Variants in KIRREL3 observed in about 807,000 individuals in gnomAD.
KIRREL3 encodes the protein kin of IRRE-like protein 3.
A neutral mutation model predicts 89.7 loss-of-function variants in KIRREL3; 36 were observed. That is an observed-to-expected ratio of 0.40 (90% confidence interval 0.31 to 0.53). The LOEUF (loss-of-function observed/expected upper bound fraction) is 0.53, where lower values mean the gene tolerates loss of function less well. KIRREL3 is among the 20% of genes least tolerant of loss of function. The probability of loss-of-function intolerance (pLI) is 0.49; values close to 1 mark genes in which losing one functional copy is unlikely to be tolerated. For synonymous variants in KIRREL3, 445 were observed against 441.4 expected, an observed-to-expected ratio of 1.01 and a Z score of -0.10; for missense variants, 864 against 1,056.6, an observed-to-expected ratio of 0.82 and a Z score of 2.53.
intron 1 of KIRREL3, among the ~76,000 whole-genome samples, chr11:126,599,155 C>T (rs1311268073): frequency 1.3e-5 from 2 of 152,134 alleles, no homozygotes; most frequent in African/African-American, 2.4e-5. Context: ...TTCAAAGAAC[C>T]CCACATTGGC....
intron 1 of KIRREL3, among the ~76,000 whole-genome samples, chr11:126,841,403 C>G (rs1358820933): frequency 1.3e-5 from 2 of 152,210 alleles, no homozygotes; most frequent in African/African-American, 4.8e-5. Flanking sequence ...CACATATCCC[C>G]AGCAGCCAGC....
chr11:126,716,534 C>G (rs1371894859), intron 1 of KIRREL3, among the ~76,000 whole-genome samples: 2 of 152,066 alleles, frequency 1.3e-5, no homozygotes, highest in African/African-American at 4.8e-5. Flanking sequence ...CAGGAAGGGA[C>G]TGACTTTTAT....
rs1034682039 is a variant in KIRREL3, at chr11:126,643,838, G to A, written c.56-80926C>T. Among the ~76,000 whole-genome samples, 3 of 152,150 alleles carry A rather than the reference G, an allele frequency of 2.0e-5. No homozygotes were observed. Among genetic ancestry groups the A allele is most frequent in the Non-Finnish European group, 4.4e-5 (3 of 68,028 alleles). On this transcript the variant is annotated intron_variant, in intron 1 of 16. Coordinates refer to ENST00000525144, the MANE Select transcript of KIRREL3 (RefSeq NM_032531.4). This position sits in a 1 kb window ranked among gnomAD's most constrained non-coding sequence, Gnocchi z 4.5. ...GTGACCAAAAAGATGAAGAGAATGAGGGGAGGAAGAGCAAAGCTGACCCTG... is the reference window on the plus strand; with the variant it reads ...GTGACCAAAAAGATGAAGAGAATGAAGGGAGGAAGAGCAAAGCTGACCCTG...
rs1252256818 is a variant in KIRREL3, at chr11:126,579,641, G to A, written c.56-16729C>T. ...CAAATGCACCACCTGTGGCCCTAGA[G>A]TGGGGAGCATTGAGGTTGGATGGCA... On this transcript the variant is annotated intron_variant, in intron 1 of 16. Coordinates refer to ENST00000525144, the MANE Select transcript of KIRREL3 (RefSeq NM_032531.4). The surrounding 1 kb of genome is among the most constrained non-coding windows in gnomAD (Gnocchi z 5.3). 1.3e-5 allele frequency among the ~76,000 whole-genome samples: 2 copies of A among 152,142 alleles called. No individual in the cohort carries two copies. The highest frequency in any genetic ancestry group is 2.9e-5 in the Non-Finnish European group (2 of 68,016).
At chr11:126,511,625 C>T (rs972576533) in intron 4 of KIRREL3, among the ~76,000 whole-genome samples, 1 of 152,170 alleles carries the variant, frequency 6.6e-6, no homozygotes, top group Admixed American at 6.5e-5. Flanking sequence ...TGGCCCCTGC[C>T]AATCTTCCAG....
Position 126,912,273 on chromosome 11 carries a change from C to G in KIRREL3, c.55+88182G>C, listed in dbSNP as rs548688421. On this transcript the variant is annotated intron_variant, in intron 1 of 16. Transcript: ENST00000525144. The surrounding 1 kb of genome is among the most constrained non-coding windows in gnomAD (Gnocchi z 4.7). ...CCCTTCACCTTCAAGCAGGCTAAAC[C>G]GGCCGAGAGTGGCTCTGAGGACCTG... Among the ~76,000 whole-genome samples, 1 of 152,114 alleles carries G rather than the reference C, an allele frequency of 6.6e-6. No homozygotes were observed. Among genetic ancestry groups the G allele is most frequent in the African/African-American group, 2.4e-5 (1 of 41,434 alleles).
chr11:126,483,076 T>C (rs1647171747), intron 4 of KIRREL3, among the ~76,000 whole-genome samples: 2 of 152,120 alleles, frequency 1.3e-5, no homozygotes, highest in South Asian at 4.2e-4. Flanking sequence ...TTGACCCATC[T>C]CCCCTGAAAC....
chr11:126,667,647 C>A (rs117893241), intron 1 of KIRREL3, among the ~76,000 whole-genome samples: 26 of 152,298 alleles, frequency 1.7e-4, no homozygotes, highest in Non-Finnish European at 3.1e-4. Flanking sequence ...ACACTCTCAA[C>A]TCATGTCGGC....
rs1340442008 is a variant in KIRREL3 at position 126,651,575 on chromosome 11, T to C, written c.56-88663A>G. 1.3e-5 allele frequency among the ~76,000 whole-genome samples: 2 copies of C among 152,228 alleles called. No individual in the cohort carries two copies. The highest frequency in any genetic ancestry group is 4.8e-5 in the African/African-American group (2 of 41,462). Reference sequence around the variant, plus strand: ...CTTTCAAATAAGTGGCAGCAGTTCATGCATAATTACTTCTGAATTATCTAG... The same window carrying C: ...CTTTCAAATAAGTGGCAGCAGTTCACGCATAATTACTTCTGAATTATCTAG... On this transcript the variant is annotated intron_variant, in intron 1 of 16. Coordinates refer to ENST00000525144, the MANE Select transcript of KIRREL3 (RefSeq NM_032531.4). This position sits in a 1 kb window ranked among gnomAD's most constrained non-coding sequence, Gnocchi z 4.6.
rs1938400244 is a variant in KIRREL3, at chr11:126,541,932, A to G, written c.134-15245T>C. 6.6e-6 allele frequency among the ~76,000 whole-genome samples: 1 copy of G among 152,194 alleles called. No individual in the cohort carries two copies. The highest frequency in any genetic ancestry group is 1.5e-5 in the Non-Finnish European group (1 of 68,022). ...ACCCTTTTTGTCAGTGAAGTCTCAC[A>G]GGGAATCCCAGTGTATAAAACGGTG... On this transcript the variant is annotated intron_variant, in intron 2 of 16. Coordinates refer to ENST00000525144, the MANE Select transcript of KIRREL3 (RefSeq NM_032531.4). The surrounding 1 kb of genome is among the most constrained non-coding windows in gnomAD (Gnocchi z 4.8).
intron 1 of KIRREL3, among the ~76,000 whole-genome samples, chr11:126,967,265 G>A (rs1452685862): frequency 6.6e-6 from 1 of 151,866 alleles, no homozygotes; most frequent in Non-Finnish European, 1.5e-5. Context: ...TACTTTCCTC[G>A]GTGCTCCTTC....
rs1478526751 is a variant in KIRREL3, at chr11:126,969,370, T to A, written c.55+31085A>T. On this transcript the variant is annotated intron_variant, in intron 1 of 16. Coordinates refer to ENST00000525144, the MANE Select transcript of KIRREL3 (RefSeq NM_032531.4). This position sits in a 1 kb window ranked among gnomAD's most constrained non-coding sequence, Gnocchi z 4.9. ...AACGCCTGGGCAATTCCCTGCAGTGTGGCAGGTGTGAAGGTGGAGGTAAGT... is the reference window on the plus strand; with the variant it reads ...AACGCCTGGGCAATTCCCTGCAGTGAGGCAGGTGTGAAGGTGGAGGTAAGT... 6.6e-6 allele frequency among the ~76,000 whole-genome samples: 1 copy of A among 151,914 alleles called. No homozygotes were observed. The highest frequency in any genetic ancestry group is 2.4e-5 in the African/African-American group (1 of 41,334).
At position 126,860,805 on chromosome 11, in the gene KIRREL3, G is replaced by A. The variant is rs2134613202; in HGVS notation, c.55+139650C>T. 6.6e-6 allele frequency among the ~76,000 whole-genome samples: 1 copy of A among 152,284 alleles called. No individual in the cohort carries two copies. Among genetic ancestry groups the A allele is most frequent in the South Asian group, 2.1e-4 (1 of 4,828 alleles). On this transcript the variant is annotated intron_variant, in intron 1 of 16. Coordinates refer to ENST00000525144, the MANE Select transcript of KIRREL3 (RefSeq NM_032531.4). The surrounding 1 kb of genome is among the most constrained non-coding windows in gnomAD (Gnocchi z 4.6). ...TTAGAATGTCCAAGGAGAGGGCAGA[G>A]GTACAAATGCAAGATGGCACCCGTG...
In KIRREL3 at chr11:126,558,589, G is replaced by A. The variant is rs1221336136; in HGVS notation, c.133+4246C>T. On this transcript the variant is annotated intron_variant, in intron 2 of 16. Coordinates refer to ENST00000525144, the MANE Select transcript of KIRREL3 (RefSeq NM_032531.4). This position sits in a 1 kb window ranked among gnomAD's most constrained non-coding sequence, Gnocchi z 4.0. ...CTCTTGGGCCATGCTGTGTTATTGG[G>A]TTGCACTGTAATCTCTAGAGTTGTT... Among the ~76,000 whole-genome samples, 1 of 152,178 alleles carries A rather than the reference G, an allele frequency of 6.6e-6. No homozygotes were observed. Among genetic ancestry groups the A allele is most frequent in the Non-Finnish European group, 1.5e-5 (1 of 68,036 alleles).
chr11:126,937,913 C>CA (rs909316744), intron 1 of KIRREL3, among the ~76,000 whole-genome samples: 33 of 151,736 alleles, frequency 2.2e-4, no homozygotes, highest in African/African-American at 5.8e-4. Flanking sequence ...AACAAAAAAC[C>CA]AAAAAAAACC....
intron 1 of KIRREL3, among the ~76,000 whole-genome samples, chr11:126,852,634 C>G (rs752860913): frequency 1.3e-5 from 2 of 152,122 alleles, no homozygotes; most frequent in African/African-American, 4.8e-5. Flanking sequence ...ATGAGGTGAG[C>G]AAAGAAAGCT....
chr11:126,593,317 C>G (rs939541921), intron 1 of KIRREL3, among the ~76,000 whole-genome samples: 4 of 152,224 alleles, frequency 2.6e-5, no homozygotes, highest in Non-Finnish European at 5.9e-5. Context: ...GCACCGTTAT[C>G]GGGAGGCTTC....
At position 126,795,671 on chromosome 11, in the gene KIRREL3, A is replaced by G. The variant is rs922632247; in HGVS notation, c.55+204784T>C. Reference sequence around the variant, plus strand: ...AGTGCCAGGATTACAGGAGTGAGCCACTGTGCCTGGCCAGAAATATGTAGA... The same window carrying G: ...AGTGCCAGGATTACAGGAGTGAGCCGCTGTGCCTGGCCAGAAATATGTAGA... On this transcript the variant is annotated intron_variant, in intron 1 of 16. Transcript: ENST00000525144. This position sits in a 1 kb window ranked among gnomAD's most constrained non-coding sequence, Gnocchi z 4.1. Among the ~76,000 whole-genome samples the G allele has an allele frequency of 1.3e-5, 2 of 152,322 alleles. No homozygotes were observed.
intron 11 of KIRREL3, 111 bp from the exon 12 acceptor site, chr11:126,437,120 A>G (rs1955377419): frequency 1.0e-6 from 1 of 991,662 alleles, no homozygotes; most frequent in East Asian, 2.7e-5. Context: ...ACTGCCACAC[A>G]CTAACACATG....
Sources: allele counts gnomAD v4.1 joint callset (sites outside exome capture counted in the v4.1 genomes callset), GRCh38; gene constraint gnomAD v4.1.1; non-coding constraint Gnocchi (gnomAD v3.1); transcripts MANE v1.5; gene names NCBI Gene and HGNC (gene_info 2026-07-23, HGNC 2026-07-21).